SCNM1: variants seen among roughly 807,000 people sequenced by gnomAD.
SCNM1 encodes sodium channel modifier 1.
In SCNM1, 24 loss-of-function variants were observed where a neutral mutation model predicts 32.8. The observed-to-expected ratio is 0.73, with a 90% CI of 0.53 to 1.03. SCNM1 has a LOEUF of 1.03. Among genes scored for constraint, SCNM1 ranks in the 50% least tolerant of loss-of-function variants. SCNM1 has a pLI of 0.00. For synonymous variants in SCNM1, 99 were observed against 103.2 expected (o/e 0.96, Z 0.25); for missense variants, 274 against 282.3 (o/e 0.97, Z 0.21).
Position 151,166,946 on chromosome 1 carries a change from C to A in SCNM1, c.135C>A (p.Ala45=). The A allele has an allele frequency of 6.2e-7, 1 of 1,614,102 alleles. No homozygotes were observed. The highest frequency in any genetic ancestry group is 8.5e-7 in the Non-Finnish European group (1 of 1,180,026). ...LMLRDGRFAC[A]ICPHRPVLDT... The stretch of plus-strand genomic sequence containing the variant: ...TACCCCTGCTCAGCTTTGCTTGTGC[C>A]ATCTGCCCCCATCGACCGGTACTGG... The change falls in exon 3 of 7, where the codon GCC becomes GCA. Residue 45 remains alanine (A), a synonymous_variant. Transcript: ENST00000368905.
Position 151,169,909 on chromosome 1 carries a change from C to T in SCNM1, c.*824C>T, listed in dbSNP as rs1683892653. On this transcript the variant is annotated 3_prime_UTR_variant, in exon 7 of 7. Transcript: ENST00000368905. ...CTGATCCCCAGAGTATAAATAATCCCCTGGTGAACTGGCAGTAACCCTTGG... is the reference window on the plus strand; with the variant it reads ...CTGATCCCCAGAGTATAAATAATCCTCTGGTGAACTGGCAGTAACCCTTGG... The T allele has an allele frequency of 2.9e-6, 2 of 688,164 alleles. No individual in the cohort carries two copies. The highest frequency in any genetic ancestry group is 5.0e-6 in the Non-Finnish European group (2 of 398,386). The allele number at this position is 688,164 out of a possible 1,614,324, so 42.6% of individuals were successfully genotyped here. A position where few individuals can be genotyped will look rare whatever the true frequency, so the allele number is the denominator to read the frequency against.
In SCNM1 at chr1:151,168,985, G is replaced by A. The variant is rs1572079873; in HGVS notation, c.594-1G>A. On this transcript the variant is annotated splice_acceptor_variant, in intron 6 of 6. Coordinates refer to ENST00000368905, the MANE Select transcript of SCNM1 (RefSeq NM_024041.4). LOFTEE classifies it high-confidence loss of function. ...GATGCTATTTTCTCTGATGTTTCCAGCTCTGGATGGATCCCAGATGGACGA... is the reference window on the plus strand; with the variant it reads ...GATGCTATTTTCTCTGATGTTTCCAACTCTGGATGGATCCCAGATGGACGA... The A allele has an allele frequency of 6.2e-7, 1 of 1,613,720 alleles. No individual in the cohort carries two copies. The highest frequency in any genetic ancestry group is 2.2e-5 in the East Asian group (1 of 44,870).
At chr1:151,166,858 A>G (rs1683728299) in intron 2 of SCNM1, 76 bp from the exon 3 acceptor site, 3 of 1,599,748 alleles carry the variant, frequency 1.9e-6, no homozygotes, top group Non-Finnish European at 2.6e-6. Flanking sequence ...CTGCTAGGAC[A>G]GGGTGGGACC....
At position 151,169,146 on chromosome 1, in the gene SCNM1, T is replaced by G; in HGVS notation, c.*61T>G. On this transcript the variant is annotated 3_prime_UTR_variant, in exon 7 of 7. Transcript: ENST00000368905. ...TGGGTGCTGAGAACTTAACTTTCCTTAAGTCTGGTTCCTTGTTGGATCTCA... is the reference window on the plus strand; with the variant it reads ...TGGGTGCTGAGAACTTAACTTTCCTGAAGTCTGGTTCCTTGTTGGATCTCA... 1 of 1,594,488 alleles carries G rather than the reference T, an allele frequency of 6.3e-7. No individual in the cohort carries two copies. Among genetic ancestry groups the G allele is most frequent in the African/African-American group, 1.3e-5 (1 of 74,626 alleles).
intron 2 of SCNM1, 88 bp from the exon 3 acceptor site, chr1:151,166,846 G>C: frequency 6.3e-7 from 1 of 1,577,732 alleles, no homozygotes; most frequent in South Asian, 1.1e-5. Context: ...GTTTTGCAAA[G>C]ACTGCTAGGA....
chr1:151,170,054 C>T lies in SCNM1; in HGVS notation c.*969C>T, dbSNP rs28730720. 5.9e-3 allele frequency: 9,544 copies of T among 1,613,678 alleles called. 39 individuals are homozygous for T. Among genetic ancestry groups the T allele is most frequent in the Non-Finnish European group, 7.4e-3 (8,764 of 1,179,604 alleles). On this transcript the variant is annotated 3_prime_UTR_variant, in exon 7 of 7. Transcript: ENST00000368905. ...GGATTTAAGTGTCCAGTGCTCCCAGCGCTAGTTGGTAAAGGGAAATGCAGT... is the reference window on the plus strand; with the variant it reads ...GGATTTAAGTGTCCAGTGCTCCCAGTGCTAGTTGGTAAAGGGAAATGCAGT...
Position 151,168,221 on chromosome 1 carries a change from G to T in SCNM1, c.476G>T (p.Ser159Ile). The stretch of plus-strand genomic sequence containing the variant: ...GTCAAACTCCAAAGTGGGAAGATCA[G>T]TAGGGAACCTGAACCTGCGGCTGGC... ...SEVKLQSGKI[S>I]REPEPAAGPQ... Residue 159 changes from serine (S) to isoleucine (I), a missense_variant, in exon 6 of 7, where the codon AGT becomes ATT. Ser to Ile is a moderately radical substitution (Grantham distance 142). Transcript: ENST00000368905. 2 of 1,614,174 alleles carry T rather than the reference G, an allele frequency of 1.2e-6. No homozygotes were observed. The highest frequency in any genetic ancestry group is 1.7e-6 in the Non-Finnish European group (2 of 1,180,040).
rs752896780 is a variant in SCNM1, at chr1:151,166,491, C to T, written c.72C>T (p.Leu24=). Residue 24 remains leucine (L), a synonymous_variant, in exon 2 of 7, where the codon CTC becomes CTT. Transcript: ENST00000368905. ...NVLKKRRVGD[L]LASYIPEDEA... is the part of the protein sequence containing the mutation. Reference sequence around the variant, plus strand: ...TGCAGAAAAGAAGAGTCGGGGACCTCCTAGCCAGTTACATTCCAGAGGATG... The same window carrying T: ...TGCAGAAAAGAAGAGTCGGGGACCTTCTAGCCAGTTACATTCCAGAGGATG... The T allele has an allele frequency of 3.1e-6, 5 of 1,614,102 alleles. No homozygotes were observed. In the South Asian group the frequency reaches 3.3e-5, roughly 11 times the overall value.
rs1052546570 is a variant in SCNM1 at position 151,168,128 on chromosome 1, A to G, written c.399-16A>G. On this transcript the variant is annotated splice_polypyrimidine_tract_variant and intron_variant, in intron 5 of 6. Transcript: ENST00000368905. ...CTTTCCCTTACTGCTTTTACAGACT[A>G]TTCTTCTCTACCTAGACCAGAAGCC... 6.3e-7 allele frequency: 1 copy of G among 1,589,388 alleles called. No individual in the cohort carries two copies. The highest frequency in any genetic ancestry group is 8.6e-7 in the Non-Finnish European group (1 of 1,168,036).
rs1362425713 is a variant in SCNM1, at chr1:151,167,844, AAAG to A, written c.399-297_399-295del. On this transcript the variant is annotated intron_variant, in intron 5 of 6. Transcript: ENST00000368905. ...GAGACTCCATCTCAAAAAAAAAAGA[AAAG>A]AAAGAAAAAGAAAAGGAGAATTTTG... 8 of 312,760 alleles carry A rather than the reference AAAG, an allele frequency of 2.6e-5. 1 individual carries two copies. Among genetic ancestry groups the A allele is most frequent in the South Asian group, 2.0e-4 (3 of 14,752 alleles). The allele number at this position is 312,760 out of a possible 1,614,324, so 19.4% of individuals were successfully genotyped here.
chr1:151,168,084 A>T, intron 5 of SCNM1, 60 bp from the exon 6 acceptor site: 1 of 1,493,500 alleles, frequency 6.7e-7, no homozygotes, highest in South Asian at 1.3e-5. Context: ...AGAGGTTGGG[A>T]GTCATAGGAG....
At position 151,166,918 on chromosome 1, in the gene SCNM1, C is replaced by G. The variant is rs1683731423; in HGVS notation, c.123-16C>G. On this transcript the variant is annotated splice_polypyrimidine_tract_variant and intron_variant, in intron 2 of 6. Transcript: ENST00000368905. ...CTTCCCCTGGACCACTTATCCTCTTCTCTACCCCTGCTCAGCTTTGCTTGT... is the reference window on the plus strand; with the variant it reads ...CTTCCCCTGGACCACTTATCCTCTTGTCTACCCCTGCTCAGCTTTGCTTGT... 1 of 1,613,858 alleles carries G rather than the reference C, an allele frequency of 6.2e-7. No homozygotes were observed. The highest frequency in any genetic ancestry group is 1.3e-5 in the African/African-American group (1 of 74,898).
Position 151,169,295 on chromosome 1 carries a change from A to AG in SCNM1, c.*211dup, listed in dbSNP as rs1683864284. 2.2e-6 allele frequency: 1 copy of AG among 446,116 alleles called. No individual in the cohort carries two copies. The highest frequency in any genetic ancestry group is 4.2e-5 in the Admixed American group (1 of 23,926). The allele number at this position is 446,116 out of a possible 1,614,324, so 27.6% of individuals were successfully genotyped here. A position where few individuals can be genotyped will look rare whatever the true frequency, so the allele number is the denominator to read the frequency against. ...AGTCTCGCTCTATCGCCCAGGCTGG[A>AG]GTGCAGTGGCACGATCTCGGCTCAC... On this transcript the variant is annotated 3_prime_UTR_variant, in exon 7 of 7. Coordinates refer to ENST00000368905, the MANE Select transcript of SCNM1 (RefSeq NM_024041.4).
chr1:151,168,166 G>A lies in SCNM1; in HGVS notation c.421G>A (p.Val141Ile), dbSNP rs587738971. The change falls in exon 6 of 7, where the codon GTC becomes ATC. Residue 141 changes from valine to isoleucine, a missense_variant. Transcript: ENST00000368905. ...KYRPEAPGPS[V>I]SLSPMPPSEV... Reference sequence around the variant, plus strand: ...TAGACCAGAAGCCCCTGGTCCCTCTGTCTCCCTTTCCCCTATGCCACCCTC... The same window carrying A: ...TAGACCAGAAGCCCCTGGTCCCTCTATCTCCCTTTCCCCTATGCCACCCTC... The A allele has an allele frequency of 6.1e-5, 98 of 1,613,634 alleles. 1 individual carries two copies. In the South Asian group the frequency reaches 9.3e-4, roughly 15 times the overall value.
Position 151,166,561 on chromosome 1 carries a change from C to G in SCNM1, c.122+20C>G, listed in dbSNP as rs763261199. The G allele has an allele frequency of 1.1e-5, 18 of 1,613,110 alleles. 2 individuals are homozygous for G. The South Asian group carries it at 1.9e-4, about 17-fold the overall frequency. ...TGGACGGTAAGAGCAAGGAGTGGCT[C>G]AAGCCTGAGGGTTCTGCGGTTAGAG... On this transcript the variant is annotated intron_variant, in intron 2 of 6. Coordinates refer to ENST00000368905, the MANE Select transcript of SCNM1 (RefSeq NM_024041.4).
At position 151,166,556 on chromosome 1, in the gene SCNM1, T is replaced by A; in HGVS notation, c.122+15T>A. 6.2e-7 allele frequency: 1 copy of A among 1,612,538 alleles called. No homozygotes were observed. Among genetic ancestry groups the A allele is most frequent in the South Asian group, 1.1e-5 (1 of 90,916 alleles). ...CGGGATGGACGGTAAGAGCAAGGAGTGGCTCAAGCCTGAGGGTTCTGCGGT... is the reference window on the plus strand; with the variant it reads ...CGGGATGGACGGTAAGAGCAAGGAGAGGCTCAAGCCTGAGGGTTCTGCGGT... On this transcript the variant is annotated intron_variant, in intron 2 of 6. Transcript: ENST00000368905.
intron 1 of SCNM1, 87 bp from the exon 2 acceptor site, chr1:151,166,383 AT>A: frequency 6.3e-7 from 1 of 1,576,086 alleles, no homozygotes. Flanking sequence ...TCCTTATTCC[AT>A]TTCACTCCTC....
chr1:151,168,419 T>C (rs1254231170), intron 6 of SCNM1, 81 bp downstream of exon 6: 3 of 1,483,358 alleles, frequency 2.0e-6, no homozygotes, highest in Admixed American at 2.5e-5. Context: ...TTCCTTTTTT[T>C]TTTTTTGAGA....
chr1:151,169,142 T>G lies in SCNM1; in HGVS notation c.*57T>G. On this transcript the variant is annotated 3_prime_UTR_variant, in exon 7 of 7. Coordinates refer to ENST00000368905, the MANE Select transcript of SCNM1 (RefSeq NM_024041.4). ...ACAATGGGTGCTGAGAACTTAACTTTCCTTAAGTCTGGTTCCTTGTTGGAT... is the reference window on the plus strand; with the variant it reads ...ACAATGGGTGCTGAGAACTTAACTTGCCTTAAGTCTGGTTCCTTGTTGGAT... The G allele has an allele frequency of 1.9e-6, 3 of 1,593,788 alleles. No individual in the cohort carries two copies. Among genetic ancestry groups the G allele is most frequent in the Non-Finnish European group, 2.6e-6 (3 of 1,162,630 alleles).
Sources: gnomAD v4.1 joint callset for allele counts on GRCh38, gnomAD v4.1.1 for gene constraint, MANE v1.5 for transcripts, NCBI Gene and HGNC (gene_info 2026-07-23, HGNC 2026-07-21) for gene names.